Variants in ITGB5 observed in about 807,000 individuals in gnomAD.
ITGB5 encodes the protein integrin subunit beta 5.
ITGB5 carries 38 observed loss-of-function variants against 84.8 expected under a neutral mutation model. That is an observed-to-expected ratio of 0.45 (90% CI 0.35 to 0.59). ITGB5 has a LOEUF of 0.59. ITGB5 is among the 20% of genes least tolerant of loss of function. The probability of loss-of-function intolerance (pLI) is 0.01; values close to 1 mark genes in which losing one functional copy is unlikely to be tolerated. For synonymous variants in ITGB5, 393 were observed against 414.4 expected (o/e 0.95, Z 0.63); for missense variants, 905 against 1,034.5 (o/e 0.87, Z 1.72).
chr3:124,872,476 T>C (rs898939869), intron 2 of ITGB5, among the ~76,000 whole-genome samples: 4 of 152,178 alleles, frequency 2.6e-5, no homozygotes, highest in South Asian at 4.1e-4. Context: ...TTAGCCATCA[T>C]AGGTTAAAGG....
intron 10 of ITGB5, among the ~76,000 whole-genome samples, chr3:124,786,072 G>A (rs1439415430): frequency 2.0e-5 from 3 of 152,164 alleles, no homozygotes; most frequent in Non-Finnish European, 4.4e-5. Context: ...GTAAATAGTC[G>A]AAGCAGGCAA....
At chr3:124,881,801 C>T (rs2107650826) in intron 1 of ITGB5, among the ~76,000 whole-genome samples, 1 of 147,208 alleles carries the variant, frequency 6.8e-6, no homozygotes, top group South Asian at 2.2e-4. Context: ...AACCCCATCT[C>T]TACTAAAAAT....
intron 1 of ITGB5, among the ~76,000 whole-genome samples, chr3:124,876,551 TTTAGAA>T (rs2107644397): frequency 6.6e-6 from 1 of 152,196 alleles, no homozygotes; most frequent in Admixed American, 6.5e-5. Flanking sequence ...CCCCAGGGAC[TTTAGAA>T]GGAAGAAATA....
intron 11 of ITGB5, among the ~76,000 whole-genome samples, chr3:124,771,598 A>G (rs1053588235): frequency 6.6e-5 from 10 of 151,928 alleles, no homozygotes; most frequent in Admixed American, 1.3e-4. Context: ...AAAAATAAAA[A>G]TTAGCCAGGT....
At chr3:124,820,339 G>C (rs1399287869) in intron 6 of ITGB5, among the ~76,000 whole-genome samples, 1 of 152,200 alleles carries the variant, frequency 6.6e-6, no homozygotes, top group Non-Finnish European at 1.5e-5. Flanking sequence ...GCTCAGACGG[G>C]CAGAGGAGGG....
chr3:124,776,402 C>T (rs1304067471), intron 10 of ITGB5, among the ~76,000 whole-genome samples: 1 of 152,210 alleles, frequency 6.6e-6, no homozygotes. Flanking sequence ...TAAAATGGCT[C>T]ACTGTGAGGG....
chr3:124,826,763 T>G (rs1300099244), intron 5 of ITGB5, among the ~76,000 whole-genome samples: 1 of 152,246 alleles, frequency 6.6e-6, no homozygotes, highest in Non-Finnish European at 1.5e-5. Flanking sequence ...GTTTGTTGAA[T>G]GGAAGGTTGC....
In ITGB5 at chr3:124,796,789, CG is replaced by C; in HGVS notation, c.1291del (p.Arg431GlufsTer235). ...TASFEVSLEA[R>X]SCPSRHTEHV... ...CTCCGTGTGTCTGCTGGGACAGCTT[CG>C]GGCCTCCAATGATACTTCAAAAGAT... is the stretch of plus-strand genomic sequence containing the variant. On this transcript the variant is annotated frameshift_variant, in exon 10 of 15. Transcript: ENST00000296181. LOFTEE classifies it high-confidence loss of function. 6.2e-7 allele frequency: 1 copy of C among 1,610,042 alleles called. No homozygotes were observed. The highest frequency in any genetic ancestry group is 8.5e-7 in the Non-Finnish European group (1 of 1,177,392).
chr3:124,864,164 G>C (rs1160412427), intron 2 of ITGB5, among the ~76,000 whole-genome samples: 2 of 127,596 alleles, frequency 1.6e-5, no homozygotes, highest in Non-Finnish European at 3.1e-5. Context: ...CTGGAGTGCA[G>C]TGACACGATC....
chr3:124,831,487 G>A (rs529399681), intron 5 of ITGB5, among the ~76,000 whole-genome samples: 29 of 152,296 alleles, frequency 1.9e-4, no homozygotes, highest in Non-Finnish European at 3.8e-4. Flanking sequence ...AGGACGCCCC[G>A]TGGGAAGGTG....
chr3:124,850,354 G>A (rs747783226), intron 3 of ITGB5, among the ~76,000 whole-genome samples: 3 of 151,964 alleles, frequency 2.0e-5, no homozygotes, highest in Non-Finnish European at 4.4e-5. Context: ...CGCTCATGAG[G>A]GAGAGCAGTG....
chr3:124,841,500 C>T lies in ITGB5; in HGVS notation c.663G>A (p.Leu221=), dbSNP rs760853971. The T allele has an allele frequency of 6.2e-7, 1 of 1,614,186 alleles. No homozygotes were observed. The highest frequency in any genetic ancestry group is 2.2e-5 in the East Asian group (1 of 44,892). The change falls in exon 5 of 15, where the codon CTG becomes CTA. Residue 221 remains leucine (L), a synonymous_variant. Coordinates refer to ENST00000296181, the MANE Select transcript of ITGB5 (RefSeq NM_002213.5). Reference sequence around the variant, plus strand: ...AGCTGTCCACTCTGTCTGTGAGAGGCAGCAGATGGCGGAACCCAAAGGAGG... The same window carrying T: ...AGCTGTCCACTCTGTCTGTGAGAGGTAGCAGATGGCGGAACCCAAAGGAGG... ...CVPSFGFRHL[L]PLTDRVDSFN...
chr3:124,766,043 C>T (rs1032787214), intron 13 of ITGB5, among the ~76,000 whole-genome samples, 183 bp downstream of exon 13: 30 of 140,372 alleles, frequency 2.1e-4, no homozygotes, highest in Non-Finnish European at 2.7e-4. Context: ...CTGGATGACA[C>T]AGTGACAGCC....
At chr3:124,892,566 G>C (rs1935021793), upstream of ITGB5, among the ~76,000 whole-genome samples, 1 of 147,666 alleles carries the variant, frequency 6.8e-6, no homozygotes, top group Non-Finnish European at 1.5e-5. Context: ...ACTGTGCCAA[G>C]TGCCTGTAGT....
chr3:124,796,204 C>T (rs1435867878), intron 10 of ITGB5, among the ~76,000 whole-genome samples, 184 bp downstream of exon 10: 1 of 152,226 alleles, frequency 6.6e-6, no homozygotes, highest in Non-Finnish European at 1.5e-5. Context: ...CTTCTGCTTT[C>T]GTATTCTGCA....
At chr3:124,855,389 C>G (rs2065209871) in intron 3 of ITGB5, among the ~76,000 whole-genome samples, 1 of 152,142 alleles carries the variant, frequency 6.6e-6, no homozygotes, top group Non-Finnish European at 1.5e-5. Context: ...GGGAGATACC[C>G]TGAGGCAAAT....
Position 124,887,096 on chromosome 3 carries a change from G to A in ITGB5, c.-96C>T, listed in dbSNP as rs61760564. The A allele has an allele frequency of 7.3e-5, 23 of 314,168 alleles. No individual in the cohort carries two copies. The highest frequency in any genetic ancestry group is 1.5e-3 in the Middle Eastern group (1 of 686). The allele number at this position is 314,168 out of a possible 1,614,324, so 19.5% of individuals were successfully genotyped here. On this transcript the variant is annotated 5_prime_UTR_variant, in exon 1 of 15. Coordinates refer to ENST00000296181, the MANE Select transcript of ITGB5 (RefSeq NM_002213.5). Reference sequence around the variant, plus strand: ...GGAGCGCGGGGGCCGAGGGCCGGGGGCCGCAGCCGCATGCCCCGCGCGCAG... The same window carrying A: ...GGAGCGCGGGGGCCGAGGGCCGGGGACCGCAGCCGCATGCCCCGCGCGCAG...
At chr3:124,840,622 T>C (rs1321781723) in intron 5 of ITGB5, among the ~76,000 whole-genome samples, 2 of 151,898 alleles carry the variant, frequency 1.3e-5, no homozygotes, top group East Asian at 3.9e-4. Context: ...GGAAAACAAC[T>C]AGAATTGCAA....
chr3:124,846,547 G>A (rs988891392), intron 4 of ITGB5, among the ~76,000 whole-genome samples: 9 of 152,198 alleles, frequency 5.9e-5, no homozygotes, highest in African/African-American at 9.6e-5. Context: ...GGACATGGGG[G>A]TAGGGTGGTT....
Sources: allele counts gnomAD v4.1 joint callset (sites outside exome capture counted in the v4.1 genomes callset), GRCh38; gene constraint gnomAD v4.1.1; transcripts MANE v1.5; gene names NCBI Gene and HGNC (gene_info 2026-07-23, HGNC 2026-07-21).